The following NCOR1 variants were observed in gnomAD, a reference collection of about 807,000 sequenced individuals.
NCOR1 encodes the protein nuclear receptor corepressor 1, also known as protein phosphatase 1, regulatory subunit 109.
In NCOR1, 63 loss-of-function variants were observed where a neutral mutation model predicts 288.1. The ratio of observed to expected loss-of-function variants is 0.22; its 90% confidence interval spans 0.18 to 0.27. The LOEUF is 0.27. Among genes scored for constraint, NCOR1 ranks in the 10% least tolerant of loss-of-function variants. The pLI, the probability that NCOR1 is intolerant of heterozygous loss-of-function variation, is 1.00. For synonymous variants in NCOR1, 1,007 were observed against 1,065.9 expected (o/e 0.94, Z 1.08); for missense variants, 2,397 against 3,019.2 (o/e 0.79, Z 4.83).
chr17:16,047,575 C>T (rs1202868360), intron 41 of NCOR1, among the ~76,000 whole-genome samples: 1 of 152,114 alleles, frequency 6.6e-6, no homozygotes, highest in Non-Finnish European at 1.5e-5. Context: ...GACTGGAACA[C>T]AACAGTATAG....
intron 44 of NCOR1, among the ~76,000 whole-genome samples, chr17:16,035,313 A>C (rs1974093973): frequency 6.6e-6 from 1 of 152,174 alleles, no homozygotes; most frequent in African/African-American, 2.4e-5. Context: ...TTGATCCCTC[A>C]AACCCTTCTT....
At chr17:16,112,339 C>T (rs890899399) in intron 18 of NCOR1, among the ~76,000 whole-genome samples, 2 of 152,124 alleles carry the variant, frequency 1.3e-5, no homozygotes, top group African/African-American at 4.8e-5. Context: ...AACCTAAAGG[C>T]CGCTTTGTAT....
At chr17:16,131,841 C>T (rs1326796148) in intron 14 of NCOR1, among the ~76,000 whole-genome samples, 1 of 152,166 alleles carries the variant, frequency 6.6e-6, no homozygotes, top group Non-Finnish European at 1.5e-5. Context: ...CTCTCTGTGC[C>T]TGACTCTGCA....
At chr17:16,137,210 GTT>G in intron 14 of NCOR1, 99 bp downstream of exon 14, 1 of 624,174 alleles carries the variant, frequency 1.6e-6, no homozygotes, top group East Asian at 3.2e-5. Context: ...AAACATCAAT[GTT>G]TAAACTACAC....
intron 42 of NCOR1, among the ~76,000 whole-genome samples, chr17:16,045,843 T>TCA (rs2058567074): frequency 6.6e-6 from 1 of 151,826 alleles, no homozygotes. Context: ...TTGAGACATC[T>TCA]CACTCTGGCT....
At chr17:16,169,270 A>G (rs558954704) in intron 4 of NCOR1, among the ~76,000 whole-genome samples, 1 of 152,182 alleles carries the variant, frequency 6.6e-6, no homozygotes, top group Non-Finnish European at 1.5e-5. Flanking sequence ...CAGCAAAAAA[A>G]CAACAACAAC....
intron 2 of NCOR1, among the ~76,000 whole-genome samples, chr17:16,192,365 A>T (rs1478827749): frequency 6.6e-6 from 1 of 152,086 alleles, no homozygotes; most frequent in East Asian, 1.9e-4. Flanking sequence ...AATACAAAAA[A>T]TTAGCTGGGG....
intron 11 of NCOR1, among the ~76,000 whole-genome samples, chr17:16,141,301 C>A (rs889087148): frequency 2.0e-5 from 3 of 151,816 alleles, no homozygotes; most frequent in Admixed American, 1.3e-4. Flanking sequence ...TTTCAATGCA[C>A]CAAAAATCAC....
chr17:16,116,232 G>C (rs1262552625), intron 18 of NCOR1, among the ~76,000 whole-genome samples: 1 of 152,154 alleles, frequency 6.6e-6, no homozygotes, highest in Non-Finnish European at 1.5e-5. Context: ...GGTAATTGTA[G>C]GAGTTACAAT....
intron 15 of NCOR1, 51 bp downstream of exon 15, chr17:16,126,026 AAAAAT>A (rs759465841): frequency 4.7e-5 from 44 of 926,660 alleles, no homozygotes; most frequent in Non-Finnish European, 5.6e-5. Flanking sequence ...CTACAAAAAT[AAAAAT>A]AAAATAAAAA....
chr17:16,127,555 G>A lies in NCOR1; in HGVS notation c.1510-1349C>T, dbSNP rs150854889. On this transcript the variant is annotated intron_variant, in intron 14 of 45. Transcript: ENST00000268712. ...TATATCTGCATGTATATATACACAT[G>A]TGTATATATGTATGTATATATACAT... Among the ~76,000 whole-genome samples, 52 of 139,960 alleles carry A rather than the reference G, an allele frequency of 3.7e-4. 5 individuals carry two copies. The highest frequency in any genetic ancestry group is 2.2e-3 in the East Asian group (10 of 4,470). The allele number at this position is 139,960 out of a possible 152,430, so 91.8% of individuals were successfully genotyped here. A position where few individuals can be genotyped will look rare whatever the true frequency, so the allele number is the denominator to read the frequency against.
chr17:16,046,108 A>G (rs1300786940), intron 42 of NCOR1, among the ~76,000 whole-genome samples: 2 of 152,192 alleles, frequency 1.3e-5, no homozygotes, highest in African/African-American at 4.8e-5. Context: ...TTTTATTTTT[A>G]CACGGTTAGT....
chr17:16,073,101 T>C (rs2061959031), intron 28 of NCOR1, among the ~76,000 whole-genome samples: 1 of 152,208 alleles, frequency 6.6e-6, no homozygotes, highest in Admixed American at 6.5e-5. Context: ...CATAATAAAC[T>C]TTACCTTTTT....
intron 3 of NCOR1, among the ~76,000 whole-genome samples, chr17:16,173,841 G>C (rs1376041870): frequency 6.6e-6 from 1 of 152,002 alleles, no homozygotes; most frequent in Non-Finnish European, 1.5e-5. Flanking sequence ...TGAGGCGGAA[G>C]AATCGCTTGA....
chr17:16,127,505 A>G (rs1421528587), intron 14 of NCOR1, among the ~76,000 whole-genome samples: 3 of 146,852 alleles, frequency 2.0e-5, no homozygotes, highest in Non-Finnish European at 4.5e-5. Flanking sequence ...GCATGTATAT[A>G]CATATGTGTA....
intron 26 of NCOR1, among the ~76,000 whole-genome samples, chr17:16,079,718 A>G (rs974708324): frequency 1.3e-5 from 2 of 152,224 alleles, no homozygotes; most frequent in Admixed American, 1.3e-4. Context: ...CAATTAGAAC[A>G]TATTTCTTTT....
intron 4 of NCOR1, among the ~76,000 whole-genome samples, chr17:16,166,474 T>G (rs559127012): frequency 6.6e-6 from 1 of 151,350 alleles, no homozygotes; most frequent in African/African-American, 2.4e-5. Flanking sequence ...AGGTCAGGAG[T>G]TCCAGACCAG....
chr17:16,094,722 G>A (rs1263070642), intron 21 of NCOR1, among the ~76,000 whole-genome samples: 7 of 152,284 alleles, frequency 4.6e-5, no homozygotes, highest in East Asian at 1.9e-4. Flanking sequence ...GCGCCGCCAC[G>A]CCTGACTGGT....
At chr17:16,168,280 AACC>A (rs2082413091) in intron 4 of NCOR1, among the ~76,000 whole-genome samples, 1 of 152,072 alleles carries the variant, frequency 6.6e-6, no homozygotes, top group South Asian at 2.1e-4. Context: ...AGCTCACTGC[AACC>A]ACCGCCTCCC....
Sources: gnomAD v4.1 joint callset for allele counts (sites outside exome capture counted in the v4.1 genomes callset) on GRCh38, gnomAD v4.1.1 for gene constraint, MANE v1.5 for transcripts, NCBI Gene and HGNC (gene_info 2026-07-23, HGNC 2026-07-21) for gene names.